SPATA17: variants seen among roughly 807,000 people sequenced by gnomAD.
The protein encoded by SPATA17 is spermatogenesis-associated protein 17.
A neutral mutation model predicts 62.2 loss-of-function variants in SPATA17; 53 were observed. The observed-to-expected ratio is 0.85, with a 90% CI of 0.68 to 1.07. The LOEUF is 1.07. Among genes scored for constraint, SPATA17 ranks in the 50% least tolerant of loss-of-function variants. The pLI is 0.00. For missense variants in SPATA17, 466 were observed against 425.5 expected, an observed-to-expected ratio of 1.10 and a Z score of -0.84; for synonymous variants, 146 against 146.8, an observed-to-expected ratio of 0.99 and a Z score of 0.04.
At chr1:217,712,405 C>T (rs189864730) in intron 5 of SPATA17, among the ~76,000 whole-genome samples, 1,745 of 152,146 alleles carry the variant, frequency 0.011, 34 homozygotes, top group African/African-American at 0.04. Context: ...GGATTACAGG[C>T]GTGAGCCACC....
intron 5 of SPATA17, among the ~76,000 whole-genome samples, chr1:217,722,828 A>G (rs1453037988): frequency 6.6e-6 from 1 of 152,044 alleles, no homozygotes; most frequent in Non-Finnish European, 1.5e-5. Flanking sequence ...TCTGCAAGGT[A>G]TCGTGACTTT....
intron 3 of SPATA17, among the ~76,000 whole-genome samples, chr1:217,654,204 C>A (rs1397992043): frequency 1.3e-5 from 2 of 150,512 alleles, no homozygotes; most frequent in Non-Finnish European, 2.9e-5. Context: ...CTGGTGTGAT[C>A]TTGGCTCACT....
intron 5 of SPATA17, among the ~76,000 whole-genome samples, chr1:217,729,334 T>TAG (rs1399611749): frequency 1.3e-5 from 2 of 152,158 alleles, no homozygotes; most frequent in African/African-American, 4.8e-5. Flanking sequence ...AGGACATGAG[T>TAG]AGAGCACCAT....
chr1:217,855,278 G>T (rs989091480), intron 9 of SPATA17, among the ~76,000 whole-genome samples: 3 of 152,046 alleles, frequency 2.0e-5, no homozygotes, highest in Non-Finnish European at 4.4e-5. Flanking sequence ...TTTTTAAATT[G>T]ACACATCTTT....
intron 1 of SPATA17, among the ~76,000 whole-genome samples, chr1:217,644,053 T>C (rs1670129432): frequency 6.6e-6 from 1 of 152,188 alleles, no homozygotes; most frequent in African/African-American, 2.4e-5. Context: ...TTGAATGCAC[T>C]AATATTATAG....
At chr1:217,671,696 T>C (rs944479122) in intron 4 of SPATA17, among the ~76,000 whole-genome samples, 3 of 151,950 alleles carry the variant, frequency 2.0e-5, no homozygotes, top group Admixed American at 6.6e-5. Flanking sequence ...GAGAGAAGCA[T>C]AGGGGTGGGA....
chr1:217,703,050 A>G (rs1671638602), intron 5 of SPATA17, among the ~76,000 whole-genome samples: 1 of 151,268 alleles, frequency 6.6e-6, no homozygotes, highest in African/African-American at 2.4e-5. Flanking sequence ...TAATTTTTGT[A>G]TTTTTAGTAG....
At chr1:217,773,886 A>T (rs1026402776) in intron 6 of SPATA17, among the ~76,000 whole-genome samples, 2 of 151,892 alleles carry the variant, frequency 1.3e-5, no homozygotes, top group African/African-American at 4.8e-5. Flanking sequence ...AATCAGTCAA[A>T]TATTTGAGTA....
chr1:217,813,253 A>G (rs1412680204), intron 9 of SPATA17, among the ~76,000 whole-genome samples: 1 of 152,162 alleles, frequency 6.6e-6, no homozygotes, highest in African/African-American at 2.4e-5. Context: ...CCGGTGATTG[A>G]ATCTGCTGTC....
At chr1:217,672,437 A>T (rs1358503593) in intron 4 of SPATA17, among the ~76,000 whole-genome samples, 1 of 152,188 alleles carries the variant, frequency 6.6e-6, no homozygotes, top group African/African-American at 2.4e-5. Context: ...AGTACATAAG[A>T]ACAAAACTTT....
chr1:217,696,157 T>C (rs1478709538), intron 5 of SPATA17, among the ~76,000 whole-genome samples: 1 of 152,228 alleles, frequency 6.6e-6, no homozygotes, highest in African/African-American at 2.4e-5. Context: ...TCCGTGGGCG[T>C]AGGACCCTCC....
At chr1:217,733,916 T>C (rs1309130459) in intron 5 of SPATA17, among the ~76,000 whole-genome samples, 1 of 152,192 alleles carries the variant, frequency 6.6e-6, no homozygotes, top group African/African-American at 2.4e-5. Flanking sequence ...ATTTTAAACG[T>C]ATTTTCCCTT....
intron 1 of SPATA17, among the ~76,000 whole-genome samples, chr1:217,634,450 A>C (rs1669891917): frequency 6.6e-6 from 1 of 152,046 alleles, no homozygotes; most frequent in Non-Finnish European, 1.5e-5. Context: ...GGTGGGGGCC[A>C]CAAGGTCAGA....
chr1:217,786,785 T>TCTTCTC (rs1673880666), intron 8 of SPATA17, among the ~76,000 whole-genome samples: 1 of 150,382 alleles, frequency 6.6e-6, no homozygotes, highest in Non-Finnish European at 1.5e-5. Flanking sequence ...TTCTTCTTCT[T>TCTTCTC]CTTCTTCTTC....
chr1:217,662,526 G>C (rs1307432783), intron 3 of SPATA17, among the ~76,000 whole-genome samples: 1 of 152,054 alleles, frequency 6.6e-6, no homozygotes, highest in African/African-American at 2.4e-5. Context: ...AAGGTTCCCA[G>C]TATTCATACA....
At chr1:217,839,517 G>T (rs1675339813) in intron 9 of SPATA17, among the ~76,000 whole-genome samples, 1 of 151,970 alleles carries the variant, frequency 6.6e-6, no homozygotes, top group African/African-American at 2.4e-5. Context: ...TTTCCCTAAA[G>T]CTTAGACTGT....
At chr1:217,852,098 C>T (rs752852877) in intron 9 of SPATA17, among the ~76,000 whole-genome samples, 3 of 152,128 alleles carry the variant, frequency 2.0e-5, no homozygotes, top group Non-Finnish European at 4.4e-5. Flanking sequence ...TGTTAGCTCT[C>T]CTCTTGGAGA....
intron 3 of SPATA17, among the ~76,000 whole-genome samples, chr1:217,667,638 C>G (rs1393733810): frequency 2.6e-5 from 4 of 152,168 alleles, no homozygotes; most frequent in Admixed American, 2.6e-4. Flanking sequence ...ATTCACTCTA[C>G]TGTTAACTAA....
intron 7 of SPATA17, among the ~76,000 whole-genome samples, chr1:217,777,042 AG>A (rs138285786): frequency 0.098 from 14,984 of 152,206 alleles, 996 homozygotes; most frequent in Non-Finnish European, 0.15. Flanking sequence ...GGATACCAGG[AG>A]GCAGGGGCCC....
Sources: gnomAD v4.1 joint callset for allele counts (sites outside exome capture counted in the v4.1 genomes callset) on GRCh38, gnomAD v4.1.1 for gene constraint, MANE v1.5 for transcripts, NCBI Gene and HGNC (gene_info 2026-07-23, HGNC 2026-07-21) for gene names.